PTPRM: variants seen among roughly 807,000 people sequenced by gnomAD.
PTPRM encodes the protein protein tyrosine phosphatase receptor type M.
A neutral mutation model predicts 186.7 loss-of-function variants in PTPRM; 47 were observed. That is an observed-to-expected ratio of 0.25 (90% CI 0.20 to 0.32). The LOEUF is 0.32. Ranked by LOEUF, PTPRM falls within the 10% of genes least tolerant of loss-of-function variation. The pLI is 1.00. For synonymous variants in PTPRM, 668 were observed against 674.9 expected (o/e 0.99, Z 0.16); for missense variants, 1,494 against 1,865.0 (o/e 0.80, Z 3.66).
chr18:8,162,098 T>A (rs73389768), intron 14 of PTPRM, among the ~76,000 whole-genome samples: 4,858 of 152,026 alleles, frequency 0.032, 141 homozygotes, highest in African/African-American at 0.079. Context: ...TGTGGGGTTT[T>A]TTTCTTTTTT....
intron 13 of PTPRM, among the ~76,000 whole-genome samples, chr18:8,116,468 G>T (rs962605017): frequency 3.3e-5 from 5 of 152,104 alleles, no homozygotes; most frequent in African/African-American, 1.2e-4. Context: ...ATAATCTGGG[G>T]GTCAAGGCCT....
At chr18:8,379,143 A>G (rs1280064537) in intron 27 of PTPRM, 24 bp from the exon 28 acceptor site, 1 of 1,556,816 alleles carries the variant, frequency 6.4e-7, no homozygotes, top group Non-Finnish European at 8.7e-7. Flanking sequence ...TCTTGTCCTC[A>G]TGTTCCTTTC....
At chr18:7,927,498 C>T (rs148672060) in intron 5 of PTPRM, among the ~76,000 whole-genome samples, 164 of 150,776 alleles carry the variant, frequency 1.1e-3, no homozygotes, top group Non-Finnish European at 1.9e-3. Flanking sequence ...AAAGTATTAT[C>T]TATTTATTTT....
chr18:8,323,534 G>A (rs1006858533), intron 22 of PTPRM, among the ~76,000 whole-genome samples: 2 of 152,138 alleles, frequency 1.3e-5, no homozygotes, highest in African/African-American at 4.8e-5. Flanking sequence ...AGATGCACGC[G>A]TTACTTTTTT....
intron 7 of PTPRM, among the ~76,000 whole-genome samples, chr18:7,984,191 T>C (rs2147492384): frequency 6.6e-6 from 1 of 151,904 alleles, no homozygotes; most frequent in East Asian, 1.9e-4. Context: ...CACCAAAGAG[T>C]CAAGAAAAAT....
chr18:8,180,783 ATCT>A (rs1198328227), intron 14 of PTPRM, among the ~76,000 whole-genome samples: 4 of 152,030 alleles, frequency 2.6e-5, no homozygotes, highest in Non-Finnish European at 5.9e-5. Flanking sequence ...AAATCCTGAG[ATCT>A]TATTAGGAAG....
intron 22 of PTPRM, among the ~76,000 whole-genome samples, chr18:8,329,325 G>C (rs775772339): frequency 7.9e-5 from 12 of 152,336 alleles, no homozygotes; most frequent in Non-Finnish European, 1.8e-4. Context: ...GTTCAAGTGA[G>C]TCATATATGC....
rs537263376 is a variant in PTPRM at position 7,929,264 on chromosome 18, C to A, written c.663+2581C>A. On this transcript the variant is annotated intron_variant, in intron 5 of 32. Transcript: ENST00000580170. ...CTGTATTCAGTTGCCTCAGTTTGACCCCAACGTTTAATTTTCCATGTACTG... is the reference window on the plus strand; with the variant it reads ...CTGTATTCAGTTGCCTCAGTTTGACACCAACGTTTAATTTTCCATGTACTG... 1.1e-4 allele frequency among the ~76,000 whole-genome samples: 17 copies of A among 152,122 alleles called. No individual in the cohort carries two copies. The South Asian group carries it at 3.3e-3, about 30-fold the overall frequency.
chr18:7,672,802 G>C (rs1188995086), intron 1 of PTPRM, among the ~76,000 whole-genome samples: 1 of 152,202 alleles, frequency 6.6e-6, no homozygotes, highest in Non-Finnish European at 1.5e-5. Context: ...GTAGAGTTGG[G>C]CAGGCTGTGA....
intron 14 of PTPRM, among the ~76,000 whole-genome samples, chr18:8,194,700 A>G (rs61436863): frequency 0.023 from 3,574 of 152,358 alleles, 138 homozygotes; most frequent in African/African-American, 0.081. Context: ...TTCATCCAAC[A>G]TATCCTGTCT....
chr18:7,644,347 A>G (rs1032429626), intron 1 of PTPRM, among the ~76,000 whole-genome samples: 1 of 152,176 alleles, frequency 6.6e-6, no homozygotes, highest in African/African-American at 2.4e-5. Context: ...TTAAACTAAT[A>G]CACTTGACTA....
At chr18:8,305,822 A>G (rs2095215568) in intron 20 of PTPRM, among the ~76,000 whole-genome samples, 1 of 152,148 alleles carries the variant, frequency 6.6e-6, no homozygotes, top group Non-Finnish European at 1.5e-5. Flanking sequence ...CCCAGTAAGC[A>G]TACTGGCTCT....
At chr18:8,107,134 C>T (rs984762576) in intron 11 of PTPRM, among the ~76,000 whole-genome samples, 5 of 152,114 alleles carry the variant, frequency 3.3e-5, no homozygotes, top group African/African-American at 9.7e-5. Context: ...TTGGATTATA[C>T]TTTCATAATC....
intron 32 of PTPRM, among the ~76,000 whole-genome samples, chr18:8,395,095 G>A (rs1470352748): frequency 6.6e-6 from 1 of 152,134 alleles, no homozygotes; most frequent in Non-Finnish European, 1.5e-5. Flanking sequence ...GAGAAACAAA[G>A]GACAATGTAC....
At chr18:7,785,893 A>G (rs893775898) in intron 2 of PTPRM, among the ~76,000 whole-genome samples, 1 of 152,238 alleles carries the variant, frequency 6.6e-6, no homozygotes, top group Non-Finnish European at 1.5e-5. Flanking sequence ...TGTCTCAAAT[A>G]TAAAGATTCT....
chr18:8,185,977 A>G (rs954299535), intron 14 of PTPRM, among the ~76,000 whole-genome samples: 1 of 152,216 alleles, frequency 6.6e-6, no homozygotes, highest in Non-Finnish European at 1.5e-5. Context: ...ATTTACTTCT[A>G]TTTGTTATTT....
chr18:8,124,018 G>A (rs79673184), intron 13 of PTPRM, among the ~76,000 whole-genome samples: 2 of 152,246 alleles, frequency 1.3e-5, no homozygotes, highest in East Asian at 1.9e-4. Context: ...TCTAAAACTC[G>A]CCTGATTCAG....
At chr18:8,201,796 C>G (rs2093861687) in intron 14 of PTPRM, among the ~76,000 whole-genome samples, 1 of 152,184 alleles carries the variant, frequency 6.6e-6, no homozygotes, top group Non-Finnish European at 1.5e-5. Context: ...CCATCTCTAA[C>G]TATAATCACA....
intron 1 of PTPRM, among the ~76,000 whole-genome samples, chr18:7,634,393 G>A (rs1021501746): frequency 6.6e-6 from 1 of 152,038 alleles, no homozygotes; most frequent in Non-Finnish European, 1.5e-5. Context: ...CTGTCTTTGG[G>A]CCATTACTGT....
Sources: allele counts gnomAD v4.1 joint callset (sites outside exome capture counted in the v4.1 genomes callset), GRCh38; gene constraint gnomAD v4.1.1; transcripts MANE v1.5; gene names NCBI Gene and HGNC (gene_info 2026-07-23, HGNC 2026-07-21).